The following ASIC2 variants were observed in gnomAD, a reference collection of about 807,000 sequenced individuals.
The protein encoded by ASIC2 is acid-sensing ion channel 2.
ASIC2 carries 25 observed loss-of-function variants against 57.3 expected under a neutral mutation model. The ratio of observed to expected loss-of-function variants is 0.44; its 90% CI spans 0.32 to 0.61. The LOEUF is 0.61. Ranked by LOEUF, ASIC2 falls within the 20% of genes least tolerant of loss-of-function variation. The pLI, the probability that ASIC2 is intolerant of heterozygous loss-of-function variation, is 0.06. For synonymous variants in ASIC2, 319 were observed against 307.5 expected (o/e 1.04, Z -0.39); for missense variants, 641 against 738.1 (o/e 0.87, Z 1.52).
intron 1 of ASIC2, among the ~76,000 whole-genome samples, chr17:33,237,158 C>G (rs960476901): frequency 6.6e-6 from 1 of 152,102 alleles, no homozygotes; most frequent in African/African-American, 2.4e-5. Context: ...TCCGGGCAGG[C>G]CACAGAGCAC....
At chr17:33,984,275 T>C (rs1031428471) in intron 1 of ASIC2, 4 of 152,208 alleles carry the variant, frequency 2.6e-5, no homozygotes, top group Admixed American at 1.3e-4. Context: ...CCAGTGGGCA[T>C]AGCAAAAGCA....
intron 1 of ASIC2, among the ~76,000 whole-genome samples, chr17:33,493,262 A>G (rs1038559393): frequency 6.6e-6 from 1 of 152,164 alleles, no homozygotes; most frequent in Non-Finnish European, 1.5e-5. Context: ...ACATCCTCAG[A>G]GGGGAATGTA....
At chr17:33,423,969 T>C (rs1226082762) in intron 1 of ASIC2, among the ~76,000 whole-genome samples, 1 of 152,260 alleles carries the variant, frequency 6.6e-6, no homozygotes, top group African/African-American at 2.4e-5. Context: ...AGTTTCTTGC[T>C]CTGTAAAACA....
chr17:33,977,823 C>T (rs1252934210), intron 1 of ASIC2, among the ~76,000 whole-genome samples: 2 of 152,208 alleles, frequency 1.3e-5, no homozygotes, highest in African/African-American at 2.4e-5. Flanking sequence ...AGAAGGCCTG[C>T]CCTGTTACAG....
rs147032514 is a variant in ASIC2 at position 33,414,420 on chromosome 17, A to T, written c.556-302353T>A. Reference sequence around the variant, plus strand: ...CCCATTGGCCAGGGGAGAAGGAAGTAGAGGGGAGGAGGACTGGAGCAGTGG... The same window carrying T: ...CCCATTGGCCAGGGGAGAAGGAAGTTGAGGGGAGGAGGACTGGAGCAGTGG... On this transcript the variant is annotated intron_variant, in intron 1 of 9. Coordinates refer to the ASIC2 transcript ENST00000359872. Among the ~76,000 whole-genome samples, 156 of 152,250 alleles carry T rather than the reference A, an allele frequency of 1.0e-3. 1 individual carries two copies. Among genetic ancestry groups the T allele is most frequent in the African/African-American group, 3.5e-3 (147 of 41,556 alleles).
intron 1 of ASIC2, among the ~76,000 whole-genome samples, chr17:33,336,601 A>G (rs889179320): frequency 1.3e-5 from 2 of 152,090 alleles, no homozygotes; most frequent in Admixed American, 6.5e-5. Flanking sequence ...TGGGGAGGGT[A>G]TCGTTTAGTC....
intron 1 of ASIC2, among the ~76,000 whole-genome samples, chr17:33,986,103 A>AT (rs1242835993): frequency 1.3e-5 from 2 of 151,752 alleles, no homozygotes; most frequent in African/African-American, 2.4e-5. Flanking sequence ...CTTCCAGTGC[A>AT]TTTTCACCTT....
intron 1 of ASIC2, among the ~76,000 whole-genome samples, chr17:33,675,558 C>T (rs7211865): frequency 0.045 from 6,812 of 151,264 alleles, 386 homozygotes; most frequent in African/African-American, 0.13. Flanking sequence ...ATAGGTACAT[C>T]TCATTTTATT....
chr17:33,291,955 G>A lies in ASIC2; in HGVS notation c.161C>T (p.Ala54Val). The A allele has an allele frequency of 6.7e-7, 1 of 1,495,152 alleles. No individual in the cohort carries two copies. The highest frequency in any genetic ancestry group is 8.8e-7 in the Non-Finnish European group (1 of 1,130,456). 92.6% of individuals were successfully genotyped at this position (1,495,152 alleles called of 1,614,324 possible). Residue 54 changes from alanine (A) to valine (V), a missense_variant, in exon 1 of 10, where the codon GCC becomes GTC. Transcript: ENST00000225823. ...GERALQGPGVARRGRPSLSRA... is the reference protein window; with the variant it reads ...GERALQGPGVVRRGRPSLSRA... ...GCTCAGCGATGGCCGCCCCCTGCGG[G>A]CGACCCCTGGCCCCTGCAGCGCCCG...
At chr17:34,102,047 T>C (rs921222509) in intron 1 of ASIC2, among the ~76,000 whole-genome samples, 4 of 152,234 alleles carry the variant, frequency 2.6e-5, no homozygotes, top group Non-Finnish European at 4.4e-5. Flanking sequence ...TGGTGGTTCA[T>C]GCCTGTAATC....
chr17:33,801,562 C>A (rs1212133203), intron 1 of ASIC2, among the ~76,000 whole-genome samples: 1 of 152,064 alleles, frequency 6.6e-6, no homozygotes, highest in Non-Finnish European at 1.5e-5. Flanking sequence ...AGCTTCAATC[C>A]TCTTCAATAA....
intron 3 of ASIC2, among the ~76,000 whole-genome samples, chr17:33,033,310 T>C (rs1009144224): frequency 6.6e-6 from 1 of 152,196 alleles, no homozygotes; most frequent in Non-Finnish European, 1.5e-5. Flanking sequence ...AGCCTCCCTG[T>C]GCTCTTCTGG....
At chr17:33,731,844 A>T (rs1021258576) in intron 1 of ASIC2, among the ~76,000 whole-genome samples, 1 of 152,186 alleles carries the variant, frequency 6.6e-6, no homozygotes, top group South Asian at 2.1e-4. Context: ...GAGCAAAGAC[A>T]GTGTTCAGAA....
At chr17:34,068,189 C>T (rs1338541568) in intron 1 of ASIC2, among the ~76,000 whole-genome samples, 3 of 152,046 alleles carry the variant, frequency 2.0e-5, no homozygotes, top group Non-Finnish European at 2.9e-5. Flanking sequence ...TTTCTTTCTT[C>T]GACACTAAGG....
chr17:33,388,990 C>T (rs1156888384), intron 1 of ASIC2, among the ~76,000 whole-genome samples: 1 of 152,184 alleles, frequency 6.6e-6, no homozygotes, highest in African/African-American at 2.4e-5. Context: ...GACAGAGTCT[C>T]ACTCTGTCAC....
chr17:33,291,995 C>G lies in ASIC2; in HGVS notation c.121G>C (p.Gly41Arg). 8.0e-7 allele frequency: 1 copy of G among 1,255,068 alleles called. No individual in the cohort carries two copies. Among genetic ancestry groups the G allele is most frequent in the Non-Finnish European group, 9.9e-7 (1 of 1,007,976 alleles). 77.7% of individuals were successfully genotyped at this position (1,255,068 alleles called of 1,614,324 possible). ...ALAAAGQPGGGRGGERALQGP... is the reference protein window; with the variant it reads ...ALAAAGQPGGRRGGERALQGP... ...TGCAGCGCCCGCTCGCCGCCTCTGC[C>G]GCCCCCGGGCTGCCCGGCAGCCGCC... The change falls in exon 1 of 10, where the codon GGC (glycine) becomes CGC (arginine). Residue 41 changes from glycine to arginine, a missense_variant. Gly to Arg is a moderately radical substitution (Grantham distance 125, BLOSUM62 -2). Transcript: ENST00000225823.
At chr17:33,830,555 T>A (rs202241412) in intron 1 of ASIC2, among the ~76,000 whole-genome samples, 21 of 6,544 alleles carry the variant, frequency 3.2e-3, no homozygotes, top group African/African-American at 7.4e-3. Context: ...ATTAAAAAAA[T>A]TTTTTTTTTA....
At chr17:33,019,001 C>T (rs948925272) in intron 7 of ASIC2, among the ~76,000 whole-genome samples, 3 of 152,188 alleles carry the variant, frequency 2.0e-5, no homozygotes, top group African/African-American at 4.8e-5. Context: ...GGAGAAGGCT[C>T]TTCCCAGTGG....
At chr17:33,866,555 A>G (rs1316345830) in intron 1 of ASIC2, among the ~76,000 whole-genome samples, 2 of 152,186 alleles carry the variant, frequency 1.3e-5, no homozygotes, top group South Asian at 2.1e-4. Flanking sequence ...GTCAAAGAGT[A>G]TATGTATTTA....
Sources: gnomAD v4.1 joint callset for allele counts (sites outside exome capture counted in the v4.1 genomes callset) on GRCh38, gnomAD v4.1.1 for gene constraint, MANE v1.5 for transcripts, NCBI Gene and HGNC (gene_info 2026-07-23, HGNC 2026-07-21) for gene names.